The following RB1CC1 variants were observed in gnomAD, a reference collection of about 807,000 sequenced individuals.
The protein encoded by RB1CC1 is RB1 inducible coiled-coil 1.
In RB1CC1, 46 loss-of-function variants were observed where a neutral mutation model predicts 177.5. The observed-to-expected ratio is 0.26, with a 90% CI of 0.20 to 0.33. The LOEUF is 0.33. Among genes scored for constraint, RB1CC1 ranks in the 10% least tolerant of loss-of-function variants. RB1CC1 has a pLI of 1.00. For synonymous variants in RB1CC1, 666 were observed against 613.6 expected (o/e 1.09, Z -1.26); for missense variants, 1,703 against 1,816.3 (o/e 0.94, Z 1.13).
At chr8:52,710,754 GAAAA>G (rs933486707) in intron 1 of RB1CC1, among the ~76,000 whole-genome samples, 1 of 151,160 alleles carries the variant, frequency 6.6e-6, no homozygotes, top group Non-Finnish European at 1.5e-5. Flanking sequence ...GGAAAATGGG[GAAAA>G]AAAAGAAAAT....
At chr8:52,685,370 G>GAA in intron 3 of RB1CC1, 29 bp downstream of exon 3, 2 of 1,453,354 alleles carry the variant, frequency 1.4e-6, no homozygotes, top group Non-Finnish European at 1.9e-6. Context: ...GACAGAATGC[G>GAA]AAAAAAAAAT....
intron 1 of RB1CC1, among the ~76,000 whole-genome samples, chr8:52,709,044 C>G (rs1229757511): frequency 6.6e-6 from 1 of 152,006 alleles, no homozygotes; most frequent in Non-Finnish European, 1.5e-5. Flanking sequence ...CCCATTTCTA[C>G]TAAAAACACA....
Position 52,656,475 on chromosome 8 carries a change from A to G in RB1CC1, c.3354T>C (p.Tyr1118=), listed in dbSNP as rs766231514. The stretch of plus-strand genomic sequence containing the variant: ...TTCTTAGCTCTGCTAAGCCCACCTG[A>G]TAATTTTCATTATTATCCTGAATCT... The part of the protein sequence containing the change: ...NQKIQDNNEN[Y]QVGLAELRTL... Residue 1118 remains tyrosine, a synonymous_variant, in exon 15 of 24, where the codon TAT becomes TAC. Transcript: ENST00000025008. The G allele has an allele frequency of 2.5e-6, 4 of 1,611,382 alleles. No individual in the cohort carries two copies. The highest frequency in any genetic ancestry group is 4.5e-5 in the East Asian group (2 of 44,822).
intron 8 of RB1CC1, among the ~76,000 whole-genome samples, 162 bp downstream of exon 8, chr8:52,667,859 G>C (rs969298042): frequency 1.3e-5 from 2 of 152,108 alleles, no homozygotes; most frequent in Non-Finnish European, 2.9e-5. Flanking sequence ...CAATCATTAA[G>C]AACATGCTTT....
intron 6 of RB1CC1, among the ~76,000 whole-genome samples, chr8:52,674,604 C>T: frequency 6.6e-6 from 1 of 152,026 alleles, no homozygotes; most frequent in East Asian, 1.9e-4. Flanking sequence ...CCCAGTTCTA[C>T]TAAACGTACA....
intron 6 of RB1CC1, among the ~76,000 whole-genome samples, chr8:52,675,290 A>T (rs538214344): frequency 2.6e-5 from 4 of 152,292 alleles, no homozygotes; most frequent in African/African-American, 7.2e-5. Flanking sequence ...ACCCAAATTT[A>T]AAAAAATCAA....
Position 52,622,716 on chromosome 8 carries a change from A to G in RB1CC1, c.*1066T>C, listed in dbSNP as rs1848140257. On this transcript the variant is annotated 3_prime_UTR_variant, in exon 24 of 24. Transcript: ENST00000025008. ...GGCAACTTCTCTAAAGATCTAGTTT[A>G]CACAATTCTATTCTACATAACACTG... 1 of 152,076 alleles carries G rather than the reference A, an allele frequency of 6.6e-6. No individual in the cohort carries two copies. Among genetic ancestry groups the G allele is most frequent in the Non-Finnish European group, 1.5e-5 (1 of 67,586 alleles). 9.4% of individuals were successfully genotyped at this position (152,076 alleles called of 1,614,324 possible).
rs1849964409 is a variant in RB1CC1, at chr8:52,645,766, T to A, written c.3923A>T (p.Glu1308Val). 1 of 1,611,454 alleles carries A rather than the reference T, an allele frequency of 6.2e-7. No homozygotes were observed. The highest frequency in any genetic ancestry group is 1.3e-5 in the African/African-American group (1 of 74,716). ...EKAKFLEQLE[E>V]QEKRKNEEMQ... ...TTCTTCATTCTTTCTTTTTTCTTGC[T>A]CTTCAAGTTGTTCTAGAAACTTAGC... Residue 1308 changes from glutamate to valine, a missense_variant, in exon 16 of 24, where the codon GAG becomes GTG. Glu to Val is a moderately radical substitution (Grantham distance 121). Transcript: ENST00000025008.
intron 5 of RB1CC1, among the ~76,000 whole-genome samples, chr8:52,676,892 G>GTAT (rs1853181810): frequency 6.6e-6 from 1 of 152,140 alleles, no homozygotes; most frequent in African/African-American, 2.4e-5. Context: ...CTGTCCTCTG[G>GTAT]TATTATCTCA....
intron 1 of RB1CC1, among the ~76,000 whole-genome samples, chr8:52,694,509 T>C (rs1050780142): frequency 6.6e-6 from 1 of 152,304 alleles, no homozygotes. Context: ...TAAACATCTA[T>C]ACATCATAGC....
intron 8 of RB1CC1, among the ~76,000 whole-genome samples, chr8:52,666,058 C>CTAA (rs1852036727): frequency 6.6e-6 from 1 of 152,070 alleles, no homozygotes; most frequent in South Asian, 2.1e-4. Context: ...TGAAACTGAA[C>CTAA]TAAAGTAATT....
At chr8:52,631,102 T>C (rs1848720017) in intron 20 of RB1CC1, among the ~76,000 whole-genome samples, 1 of 152,090 alleles carries the variant, frequency 6.6e-6, no homozygotes, top group South Asian at 2.1e-4. Context: ...CTAAACTTTT[T>C]CCAAATAGGG....
intron 7 of RB1CC1, among the ~76,000 whole-genome samples, chr8:52,669,130 T>C (rs1162462637): frequency 1.3e-5 from 2 of 152,208 alleles, no homozygotes; most frequent in Non-Finnish European, 2.9e-5. Flanking sequence ...TACATTTGGG[T>C]AGCAACCATG....
intron 20 of RB1CC1, among the ~76,000 whole-genome samples, chr8:52,633,728 T>C (rs112001310): frequency 1.7e-4 from 26 of 152,350 alleles, no homozygotes; most frequent in East Asian, 7.7e-4. Context: ...AAACATATAA[T>C]TGGCTGTAAA....
chr8:52,659,116 A>G (rs1487336896), intron 12 of RB1CC1, 140 bp from the exon 13 acceptor site: 1 of 468,770 alleles, frequency 2.1e-6, no homozygotes, highest in Non-Finnish European at 3.8e-6. Context: ...ACAAAAAAAG[A>G]CCATTCAATA....
In RB1CC1 at chr8:52,676,324, A is replaced by T. The variant is rs764494603; in HGVS notation, c.572+45T>A. 7 of 1,532,190 alleles carry T rather than the reference A, an allele frequency of 4.6e-6. No individual in the cohort carries two copies. The African/African-American group carries it at 5.5e-5, about 12-fold the overall frequency. 94.9% of individuals were successfully genotyped at this position (1,532,190 alleles called of 1,614,324 possible). On this transcript the variant is annotated intron_variant, in intron 6 of 23. Coordinates refer to ENST00000025008, the MANE Select transcript of RB1CC1 (RefSeq NM_014781.5). ...GTAATTAAACCTACTGATAAATTTC[A>T]AAGGCATTTTAAACAAATATTATCC...
chr8:52,711,632 T>A (rs1235826503), intron 1 of RB1CC1, among the ~76,000 whole-genome samples: 3 of 152,238 alleles, frequency 2.0e-5, no homozygotes, highest in Non-Finnish European at 4.4e-5. Context: ...ATTTCAGGAA[T>A]AAATGAAGTG....
chr8:52,655,742 G>C (rs758792525), intron 15 of RB1CC1, among the ~76,000 whole-genome samples: 1 of 151,842 alleles, frequency 6.6e-6, no homozygotes, highest in Non-Finnish European at 1.5e-5. Flanking sequence ...GAAAAACAAA[G>C]AGCTCTTTAA....
At chr8:52,699,100 T>C (rs1278218555) in intron 1 of RB1CC1, among the ~76,000 whole-genome samples, 1 of 152,168 alleles carries the variant, frequency 6.6e-6, no homozygotes, top group African/African-American at 2.4e-5. Context: ...AGGTACTGAA[T>C]TGGTAATACT....
Sources: allele counts gnomAD v4.1 joint callset (sites outside exome capture counted in the v4.1 genomes callset), GRCh38; gene constraint gnomAD v4.1.1; transcripts MANE v1.5; gene names NCBI Gene and HGNC (gene_info 2026-07-23, HGNC 2026-07-21).